Variants in RSRC1 observed in about 807,000 individuals in gnomAD.
RSRC1 encodes the protein serine/Arginine-related protein 53.
A neutral mutation model predicts 49.1 loss-of-function variants in RSRC1; 39 were observed. That is an observed-to-expected ratio of 0.79 (90% CI 0.61 to 1.04). The LOEUF (loss-of-function observed/expected upper bound fraction) is 1.04, where lower values mean the gene tolerates loss of function less well. RSRC1 is among the 50% of genes least tolerant of loss of function. The pLI is 0.00. For missense variants in RSRC1, 388 were observed against 402.4 expected (o/e 0.96, Z 0.31); for synonymous variants, 143 against 130.8 (o/e 1.09, Z -0.63).
At chr3:158,229,157 T>G (rs1722753378) in intron 4 of RSRC1, among the ~76,000 whole-genome samples, 1 of 144,572 alleles carries the variant, frequency 6.9e-6, no homozygotes, top group African/African-American at 2.6e-5. Context: ...CATACGTGTA[T>G]ATATGTATAT....
chr3:158,307,852 G>A (rs1242568836), intron 5 of RSRC1, among the ~76,000 whole-genome samples: 1 of 151,816 alleles, frequency 6.6e-6, no homozygotes, highest in Non-Finnish European at 1.5e-5. Context: ...TCACCTACCA[G>A]ATTTAACAGA....
At chr3:158,370,134 A>G (rs544426931) in intron 6 of RSRC1, among the ~76,000 whole-genome samples, 2 of 152,088 alleles carry the variant, frequency 1.3e-5, no homozygotes, top group South Asian at 4.1e-4. Flanking sequence ...GATGATGTAC[A>G]TTATATCATT....
chr3:158,242,032 C>CTTTTTTTTTTTTTTTTTTT (rs34356543), intron 4 of RSRC1, among the ~76,000 whole-genome samples: 1 of 66,616 alleles, frequency 1.5e-5, no homozygotes, highest in African/African-American at 6.5e-5. Context: ...AATTTCCAAC[C>CTTTTTTTTTTTTTTTTTTT]TTTTTTTTTT....
chr3:158,459,460 T>TA (rs1173447211), intron 6 of RSRC1, among the ~76,000 whole-genome samples: 1 of 152,128 alleles, frequency 6.6e-6, no homozygotes, highest in Non-Finnish European at 1.5e-5. Flanking sequence ...GCCCTGCTAA[T>TA]ACATATTGAA....
intron 5 of RSRC1, among the ~76,000 whole-genome samples, chr3:158,329,709 C>T (rs1161256301): frequency 1.3e-5 from 2 of 152,218 alleles, no homozygotes. Flanking sequence ...ACAGTCTGAA[C>T]ATTCTCAGAT....
chr3:158,494,736 G>A (rs1444554702), intron 7 of RSRC1, among the ~76,000 whole-genome samples: 1 of 151,806 alleles, frequency 6.6e-6, no homozygotes, highest in Non-Finnish European at 1.5e-5. Flanking sequence ...GTTAAAACTA[G>A]GACTCAAACA....
At chr3:158,412,801 A>G (rs1734527880) in intron 6 of RSRC1, among the ~76,000 whole-genome samples, 1 of 152,030 alleles carries the variant, frequency 6.6e-6, no homozygotes, top group South Asian at 2.1e-4. Context: ...AAAACTTTAA[A>G]AAGTTTCGCT....
chr3:158,229,925 A>T (rs1026195747), intron 4 of RSRC1, among the ~76,000 whole-genome samples: 1 of 152,016 alleles, frequency 6.6e-6, no homozygotes, highest in East Asian at 1.9e-4. Context: ...CATTTGTACA[A>T]TATGATTTTC....
chr3:158,194,734 A>C (rs1232987579), intron 3 of RSRC1, among the ~76,000 whole-genome samples: 14 of 145,268 alleles, frequency 9.6e-5, no homozygotes, highest in Non-Finnish European at 2.1e-4. Flanking sequence ...CCTATGAGTA[A>C]GAACATGTGC....
At chr3:158,402,357 A>G (rs1733936314) in intron 6 of RSRC1, among the ~76,000 whole-genome samples, 2 of 151,838 alleles carry the variant, frequency 1.3e-5, no homozygotes, top group Admixed American at 1.3e-4. Context: ...TAAACTTCGT[A>G]TGTCCATATT....
At chr3:158,326,519 T>C (rs1437640652) in intron 5 of RSRC1, among the ~76,000 whole-genome samples, 4 of 152,214 alleles carry the variant, frequency 2.6e-5, no homozygotes. Flanking sequence ...TCTGTGTATA[T>C]GCTGGATTAC....
intron 7 of RSRC1, chr3:158,469,293 A>G: frequency 2.6e-6 from 1 of 389,286 alleles, no homozygotes. Context: ...TAATTTTATA[A>G]TAGTTATTTA....
chr3:158,293,367 C>G (rs1727053377), intron 4 of RSRC1, among the ~76,000 whole-genome samples: 7 of 152,074 alleles, frequency 4.6e-5, no homozygotes, highest in Admixed American at 4.6e-4. Flanking sequence ...AAGCATTAAA[C>G]TTGCTGCCCC....
rs191045628 is a variant in RSRC1, at chr3:158,220,403, G to A, written c.494+17158G>A. On this transcript the variant is annotated intron_variant, in intron 4 of 9. Transcript: ENST00000611884. ...AAGGTTAGATGAAATGATGGCCAAC[G>A]TCTTTCCAAATTTGTTCTTCTGACG... Among the ~76,000 whole-genome samples the A allele has an allele frequency of 3.3e-5, 5 of 151,648 alleles. No homozygotes were observed. The South Asian group carries it at 6.2e-4, about 19-fold the overall frequency.
intron 3 of RSRC1, among the ~76,000 whole-genome samples, chr3:158,170,649 A>G (rs6802443): frequency 0.59 from 89,512 of 152,006 alleles, 26,640 homozygotes; most frequent in East Asian, 0.73. Context: ...GATTTGACTC[A>G]GAGTAGTCCC....
At chr3:158,167,903 A>C (rs1578155878) in intron 3 of RSRC1, among the ~76,000 whole-genome samples, 1 of 152,054 alleles carries the variant, frequency 6.6e-6, no homozygotes, top group Non-Finnish European at 1.5e-5. Flanking sequence ...TACGTCAGGA[A>C]CCTCTGGTTA....
intron 4 of RSRC1, among the ~76,000 whole-genome samples, chr3:158,291,304 G>T (rs1726922050): frequency 6.6e-6 from 1 of 152,044 alleles, no homozygotes; most frequent in South Asian, 2.1e-4. Flanking sequence ...ATTTACCAAG[G>T]ACTTGTTCAG....
At chr3:158,269,349 T>C (rs903782449) in intron 4 of RSRC1, among the ~76,000 whole-genome samples, 2 of 152,244 alleles carry the variant, frequency 1.3e-5, no homozygotes, top group Admixed American at 1.3e-4. Context: ...GTTTATGGTG[T>C]ATGATATATG....
intron 4 of RSRC1, among the ~76,000 whole-genome samples, chr3:158,278,171 G>A (rs1455849579): frequency 2.6e-5 from 4 of 152,088 alleles, no homozygotes; most frequent in Non-Finnish European, 4.4e-5. Flanking sequence ...AACCAACAAC[G>A]GACAAGTCCA....
Sources: allele counts gnomAD v4.1 joint callset (sites outside exome capture counted in the v4.1 genomes callset), GRCh38; gene constraint gnomAD v4.1.1; transcripts MANE v1.5; gene names NCBI Gene and HGNC (gene_info 2026-07-23, HGNC 2026-07-21).